Variants in PCSK1 observed in about 807,000 individuals in gnomAD.
PCSK1 encodes neuroendocrine convertase 1.
A neutral mutation model predicts 90.6 loss-of-function variants in PCSK1; 56 were observed. That is an observed-to-expected ratio of 0.62 (90% confidence interval 0.50 to 0.77). The LOEUF is 0.77. Ranked by LOEUF, PCSK1 falls within the 30% of genes least tolerant of loss-of-function variation. The pLI is 0.00. For synonymous variants in PCSK1, 348 were observed against 342.4 expected (o/e 1.02, Z -0.18); for missense variants, 801 against 932.6 (o/e 0.86, Z 1.84).
intron 8 of PCSK1, among the ~76,000 whole-genome samples, chr5:96,409,415 G>T (rs1259720085): frequency 6.6e-6 from 1 of 152,134 alleles, no homozygotes; most frequent in Non-Finnish European, 1.5e-5. Context: ...ACCTGTTGAC[G>T]CAAGCAAGCC....
At chr5:96,405,003 G>A (rs1035478787) in intron 9 of PCSK1, among the ~76,000 whole-genome samples, 7 of 152,152 alleles carry the variant, frequency 4.6e-5, no homozygotes, top group African/African-American at 1.7e-4. Flanking sequence ...GATGGCACAT[G>A]ATTAAATGAT....
intron 8 of PCSK1, among the ~76,000 whole-genome samples, chr5:96,410,333 T>A (rs1760713298): frequency 1.3e-5 from 2 of 152,106 alleles, no homozygotes; most frequent in South Asian, 4.1e-4. Context: ...TTAGGAGACA[T>A]AGCTGGTGTA....
At chr5:96,394,350 A>T (rs951362981) in intron 13 of PCSK1, among the ~76,000 whole-genome samples, 2 of 152,236 alleles carry the variant, frequency 1.3e-5, no homozygotes, top group African/African-American at 4.8e-5. Context: ...TTTGAGAAAA[A>T]GTGTGATCTA....
At chr5:96,422,024 C>T in intron 4 of PCSK1, 68 bp from the exon 5 acceptor site, 1 of 753,450 alleles carries the variant, frequency 1.3e-6, no homozygotes, top group Non-Finnish European at 2.2e-6. Flanking sequence ...AAAAAAGCAT[C>T]ACTTCCCAAG....
At position 96,429,270 on chromosome 5, in the gene PCSK1, G is replaced by A. The variant is rs758292422; in HGVS notation, c.228C>T (p.Pro76=). The change falls in exon 2 of 14, where the codon CCC becomes CCT. Residue 76 remains proline (P), a synonymous_variant. Coordinates refer to ENST00000311106, the MANE Select transcript of PCSK1 (RefSeq NM_000439.5). The part of the protein sequence containing the change: ...NHYLFKHKNH[P]RRSRRSAFHI... ...GAAAGGCACTCCTTCGAGACCTTCTGGGGTGGTTTTTATGTTTGAATAAGT... is the reference window on the plus strand; with the variant it reads ...GAAAGGCACTCCTTCGAGACCTTCTAGGGTGGTTTTTATGTTTGAATAAGT... 2 of 1,604,530 alleles carry A rather than the reference G, an allele frequency of 1.2e-6. No individual in the cohort carries two copies. The highest frequency in any genetic ancestry group is 1.1e-5 in the South Asian group (1 of 90,880).
intron 5 of PCSK1, among the ~76,000 whole-genome samples, chr5:96,417,130 C>T: frequency 6.6e-6 from 1 of 152,120 alleles, no homozygotes; most frequent in East Asian, 1.9e-4. Context: ...CATTTCAATT[C>T]TACTATACTG....
At chr5:96,432,433 G>T (rs1380353923) in intron 1 of PCSK1, among the ~76,000 whole-genome samples, 3 of 152,188 alleles carry the variant, frequency 2.0e-5, no homozygotes, top group African/African-American at 7.2e-5. Flanking sequence ...CTGCCATATT[G>T]AAAAGAAGGC....
At chr5:96,405,199 T>C (rs1417162555) in intron 9 of PCSK1, among the ~76,000 whole-genome samples, 1 of 152,198 alleles carries the variant, frequency 6.6e-6, no homozygotes, top group African/African-American at 2.4e-5. Flanking sequence ...CATACTTATC[T>C]TACTGATGAA....
intron 6 of PCSK1, among the ~76,000 whole-genome samples, chr5:96,414,996 G>A (rs1760895720): frequency 6.6e-6 from 1 of 152,138 alleles, no homozygotes; most frequent in Non-Finnish European, 1.5e-5. Context: ...AGAGTTTAAT[G>A]GGGTTTTATT....
chr5:96,413,532 G>T (rs1312777865), intron 6 of PCSK1, among the ~76,000 whole-genome samples: 1 of 152,166 alleles, frequency 6.6e-6, no homozygotes, highest in Non-Finnish European at 1.5e-5. Context: ...AGGCGCAGTG[G>T]CTCATGCCTT....
chr5:96,432,146 C>T (rs1360106953), intron 1 of PCSK1: 1 of 1,535,272 alleles, frequency 6.5e-7, no homozygotes, highest in Admixed American at 2.0e-5. Flanking sequence ...CTCGACCCTG[C>T]AGTGGGACTG....
chr5:96,394,867 C>T lies in PCSK1; in HGVS notation c.1881G>A (p.Gly627=), dbSNP rs1415419730. The change falls in exon 13 of 14, where the codon GGG becomes GGA. Residue 627 remains glycine (G), a synonymous_variant. Coordinates refer to ENST00000311106, the MANE Select transcript of PCSK1 (RefSeq NM_000439.5). ...CCAAGAACAGAGCCACACAGACCTC[C>T]CCTGGATCCACCATCTTCTCCACCC... The part of the protein sequence containing the change: ...RRGVEKMVDP[G]EEQPTQENPK... 6.2e-7 allele frequency: 1 copy of T among 1,613,936 alleles called. No individual in the cohort carries two copies. Among genetic ancestry groups the T allele is most frequent in the Non-Finnish European group, 8.5e-7 (1 of 1,179,966 alleles).
intron 9 of PCSK1, among the ~76,000 whole-genome samples, chr5:96,407,745 T>C (rs1348795582): frequency 6.6e-6 from 1 of 152,226 alleles, no homozygotes. Context: ...TCATGTCCCC[T>C]GATGTGGTTA....
At chr5:96,402,643 C>T (rs1351047666) in intron 9 of PCSK1, among the ~76,000 whole-genome samples, 1 of 151,126 alleles carries the variant, frequency 6.6e-6, no homozygotes, top group Non-Finnish European at 1.5e-5. Flanking sequence ...ATGCCAGGAA[C>T]AGGGCGAGTA....
Position 96,397,476 on chromosome 5 carries a change from A to C in PCSK1, c.1589-7T>G. On this transcript the variant is annotated splice_polypyrimidine_tract_variant and splice_region_variant and intron_variant, in intron 11 of 13. Transcript: ENST00000311106. ...AAGAGCACAGTGCTAGTTCCTATGA[A>C]ACAAATACAAGTTAATGAATGTCCT... 6.2e-7 allele frequency: 1 copy of C among 1,611,044 alleles called. No individual in the cohort carries two copies. The highest frequency in any genetic ancestry group is 1.1e-5 in the South Asian group (1 of 91,008).
At chr5:96,428,062 T>C (rs1761372404) in intron 2 of PCSK1, among the ~76,000 whole-genome samples, 1 of 152,184 alleles carries the variant, frequency 6.6e-6, no homozygotes, top group Admixed American at 6.5e-5. Flanking sequence ...ATTGTCAGGA[T>C]GTTGTTGTTT....
At chr5:96,415,387 T>C (rs2112428429) in intron 6 of PCSK1, among the ~76,000 whole-genome samples, 1 of 152,214 alleles carries the variant, frequency 6.6e-6, no homozygotes, top group East Asian at 1.9e-4. Context: ...TTCTGCTGAC[T>C]TCTTCCCTTT....
intron 9 of PCSK1, among the ~76,000 whole-genome samples, chr5:96,405,964 G>A (rs1044048248): frequency 6.6e-6 from 1 of 152,104 alleles, no homozygotes; most frequent in Non-Finnish European, 1.5e-5. Flanking sequence ...AGCTCCCTGG[G>A]GTAGTAGTCT....
At chr5:96,417,376 A>G (rs890140816) in intron 5 of PCSK1, among the ~76,000 whole-genome samples, 3 of 152,018 alleles carry the variant, frequency 2.0e-5, no homozygotes, top group African/African-American at 7.2e-5. Context: ...TGCTTCTTTT[A>G]TGTATGCTAG....
Sources: gnomAD v4.1 joint callset for allele counts (sites outside exome capture counted in the v4.1 genomes callset) on GRCh38, gnomAD v4.1.1 for gene constraint, MANE v1.5 for transcripts, NCBI Gene and HGNC (gene_info 2026-07-23, HGNC 2026-07-21) for gene names.